GRIA2: variants seen among roughly 807,000 people sequenced by gnomAD.
GRIA2 encodes glutamate ionotropic receptor AMPA type subunit 2.
GRIA2 carries 14 observed loss-of-function variants against 97.3 expected under a neutral mutation model. The ratio of observed to expected loss-of-function variants is 0.14; its 90% CI spans 0.10 to 0.23. The LOEUF (loss-of-function observed/expected upper bound fraction) is 0.23. Among genes scored for constraint, GRIA2 ranks in the 10% least tolerant of loss-of-function variants. GRIA2 has a pLI of 1.00. For missense variants in GRIA2, 558 were observed against 1,069.8 expected (o/e 0.52, Z 6.67); for synonymous variants, 412 against 387.8 (o/e 1.06, Z -0.73).
At chr4:157,352,285 G>A (rs546149204) in intron 12 of GRIA2, among the ~76,000 whole-genome samples, 2 of 151,970 alleles carry the variant, frequency 1.3e-5, no homozygotes, top group East Asian at 3.9e-4. Flanking sequence ...GTTCTTCTAT[G>A]GGCTAATGAG....
intron 2 of GRIA2, among the ~76,000 whole-genome samples, chr4:157,231,844 A>G (rs1425566304): frequency 6.6e-6 from 1 of 152,168 alleles, no homozygotes; most frequent in Non-Finnish European, 1.5e-5. Context: ...AAATTAAAAT[A>G]TTTTTAGTGT....
intron 2 of GRIA2, among the ~76,000 whole-genome samples, chr4:157,246,308 C>T (rs188264455): frequency 1.9e-3 from 295 of 152,166 alleles, no homozygotes; most frequent in East Asian, 0.01. Context: ...ATTTGAATCA[C>T]ATGATATTGT....
chr4:157,234,153 T>A (rs1730140505), intron 2 of GRIA2, among the ~76,000 whole-genome samples: 2 of 152,106 alleles, frequency 1.3e-5, no homozygotes, highest in South Asian at 4.1e-4. Flanking sequence ...GCCTGCCTCA[T>A]GATGTAATTA....
intron 2 of GRIA2, among the ~76,000 whole-genome samples, chr4:157,291,418 G>A (rs1180087803): frequency 6.6e-6 from 1 of 151,864 alleles, no homozygotes; most frequent in African/African-American, 2.4e-5. Context: ...TTGATGTTAT[G>A]TAACTTGCAA....
intron 2 of GRIA2, among the ~76,000 whole-genome samples, chr4:157,232,938 A>G (rs968758933): frequency 6.6e-6 from 1 of 152,200 alleles, no homozygotes; most frequent in Non-Finnish European, 1.5e-5. Flanking sequence ...GGAAACAGAC[A>G]TTATAGGATT....
intron 12 of GRIA2, among the ~76,000 whole-genome samples, chr4:157,349,074 A>G (rs1735888598): frequency 6.6e-6 from 1 of 152,240 alleles, no homozygotes; most frequent in Admixed American, 6.5e-5. Flanking sequence ...TTGATGGAAC[A>G]ACTTTGATCT....
intron 2 of GRIA2, among the ~76,000 whole-genome samples, chr4:157,289,470 C>G (rs1397045643): frequency 1.3e-5 from 2 of 151,692 alleles, no homozygotes; most frequent in Admixed American, 1.3e-4. Flanking sequence ...TGCTGTGTCC[C>G]ATTTTATTTT....
chr4:157,221,981 T>C (rs1729518973), intron 2 of GRIA2, among the ~76,000 whole-genome samples, 174 bp downstream of exon 2: 1 of 147,912 alleles, frequency 6.8e-6, no homozygotes, highest in African/African-American at 2.5e-5. Context: ...GGCTGTAATC[T>C]CAGGGACCCC....
chr4:157,277,854 G>A (rs1029278919), intron 2 of GRIA2, among the ~76,000 whole-genome samples: 1 of 136,246 alleles, frequency 7.3e-6, no homozygotes, highest in African/African-American at 2.9e-5. Flanking sequence ...ATGTATATAT[G>A]TATATATATG....
intron 2 of GRIA2, among the ~76,000 whole-genome samples, chr4:157,291,353 G>A (rs1333836493): frequency 6.6e-6 from 1 of 151,692 alleles, no homozygotes; most frequent in Non-Finnish European, 1.5e-5. Context: ...AGCTATGGTG[G>A]TATATTCAGA....
At chr4:157,261,063 A>G (rs529369041) in intron 2 of GRIA2, among the ~76,000 whole-genome samples, 65 of 152,188 alleles carry the variant, frequency 4.3e-4, no homozygotes, top group Non-Finnish European at 8.8e-4. Flanking sequence ...GCTGCTCTAA[A>G]GGCATGCCTG....
intron 2 of GRIA2, among the ~76,000 whole-genome samples, chr4:157,245,325 T>C (rs1730685848): frequency 6.6e-6 from 1 of 152,026 alleles, no homozygotes; most frequent in South Asian, 2.1e-4. Flanking sequence ...GAACTCTACC[T>C]TGCTTGTGGA....
At chr4:157,257,728 G>T (rs570477393) in intron 2 of GRIA2, among the ~76,000 whole-genome samples, 2 of 151,942 alleles carry the variant, frequency 1.3e-5, no homozygotes, top group African/African-American at 2.4e-5. Flanking sequence ...CAGCACAATT[G>T]AAGACTATGA....
intron 2 of GRIA2, among the ~76,000 whole-genome samples, chr4:157,230,546 C>T (rs1255976383): frequency 7.5e-6 from 1 of 133,724 alleles, no homozygotes; most frequent in Non-Finnish European, 1.6e-5. Context: ...TTCTTTCCTT[C>T]CTTCCTTCCT....
chr4:157,355,943 ATATATATT>A (rs1159171480), intron 12 of GRIA2, among the ~76,000 whole-genome samples: 1,148 of 5,802 alleles, frequency 0.2, 61 homozygotes, highest in African/African-American at 0.26. Context: ...TTATATATTA[ATATATATT>A]TATATATTTA....
chr4:157,361,685 AAATC>A lies in GRIA2; in HGVS notation c.2406+564_2406+567del. 6.9e-7 allele frequency: 1 copy of A among 1,455,420 alleles called. No homozygotes were observed. The highest frequency in any genetic ancestry group is 9.6e-7 in the Non-Finnish European group (1 of 1,036,978). The allele number at this position is 1,455,420 out of a possible 1,614,324, so 90.2% of individuals were successfully genotyped here. A position where few individuals can be genotyped will look rare whatever the true frequency, so the allele number is the denominator to read the frequency against. On this transcript the variant is annotated intron_variant, in intron 14 of 15. Coordinates refer to ENST00000264426, the MANE Select transcript of GRIA2 (RefSeq NM_001083619.3). The surrounding 1 kb of genome is among the most constrained non-coding windows in gnomAD (Gnocchi z 5.2). ...GCTGCAGGTTTTATGTGAAAAAACA[AAATC>A]AAACACAAACAGCAAAATCAAACCA... is the stretch of plus-strand genomic sequence containing the variant.
Position 157,321,580 on chromosome 4 carries a change from C to T in GRIA2, c.863C>T (p.Ala288Val). Reference sequence around the variant, plus strand: ...CTGGAAGAAAAAGAATACCCTGGAGCTCACACAACAACAATTAAGGTTTGC... The same window carrying T: ...CTGGAAGAAAAAGAATACCCTGGAGTTCACACAACAACAATTAAGGTTTGC... ...STLEEKEYPG[A>V]HTTTIKYTSA... Residue 288 changes from alanine to valine, a missense_variant, in exon 6 of 16, where the codon GCT becomes GTT. Coordinates refer to ENST00000264426, the MANE Select transcript of GRIA2 (RefSeq NM_001083619.3). 6.2e-7 allele frequency: 1 copy of T among 1,609,610 alleles called. No homozygotes were observed.
chr4:157,308,349 T>C (rs1733931479), intron 3 of GRIA2, among the ~76,000 whole-genome samples: 2 of 152,218 alleles, frequency 1.3e-5, no homozygotes, highest in South Asian at 2.1e-4. Flanking sequence ...TAATGCAATT[T>C]AACATTATGT....
chr4:157,361,230 T>C lies in GRIA2; in HGVS notation c.2406+106T>C. On this transcript the variant is annotated intron_variant, in intron 14 of 15. Transcript: ENST00000264426. The surrounding 1 kb of genome is among the most constrained non-coding windows in gnomAD (Gnocchi z 5.2). ...TGCCACCAAGTTTCCAACGCTAAGC[T>C]GAAGAGTGCAATTGGATGACCAGGA... 1 of 805,228 alleles carries C rather than the reference T, an allele frequency of 1.2e-6. No individual in the cohort carries two copies. Among genetic ancestry groups the C allele is most frequent in the Non-Finnish European group, 2.0e-6 (1 of 489,998 alleles). 49.9% of individuals were successfully genotyped at this position (805,228 alleles called of 1,614,324 possible).
Sources: gnomAD v4.1 joint callset for allele counts (sites outside exome capture counted in the v4.1 genomes callset) on GRCh38, gnomAD v4.1.1 for gene constraint, Gnocchi (gnomAD v3.1) non-coding constraint, MANE v1.5 for transcripts, NCBI Gene and HGNC (gene_info 2026-07-23, HGNC 2026-07-21) for gene names.